Variants in FBXL13 observed in about 807,000 individuals in gnomAD.
FBXL13 encodes the protein F-box and leucine-rich repeat protein 13.
A neutral mutation model predicts 83.6 loss-of-function variants in FBXL13; 67 were observed. The observed-to-expected ratio is 0.80, with a 90% CI of 0.66 to 0.98. The LOEUF is 0.98. FBXL13 is among the 50% of genes least tolerant of loss of function. FBXL13 has a pLI of 0.00. For synonymous variants in FBXL13, 272 were observed against 299.5 expected (o/e 0.91, Z 0.95); for missense variants, 822 against 866.5 (o/e 0.95, Z 0.64).
At chr7:103,045,273 G>A (rs117089754) in intron 2 of FBXL13, among the ~76,000 whole-genome samples, 148 of 152,296 alleles carry the variant, frequency 9.7e-4, no homozygotes, top group Admixed American at 3.1e-3. Context: ...ATTGATACAC[G>A]TGCATACTCC....
chr7:103,025,557 C>T (rs148130232), intron 5 of FBXL13, among the ~76,000 whole-genome samples: 1 of 152,036 alleles, frequency 6.6e-6, no homozygotes, highest in Non-Finnish European at 1.5e-5. Context: ...GTAATTGGTG[C>T]ATGGAGTGAA....
At chr7:102,825,567 C>T (rs574088271) in intron 18 of FBXL13, among the ~76,000 whole-genome samples, 2 of 152,228 alleles carry the variant, frequency 1.3e-5, no homozygotes, top group Admixed American at 6.5e-5. Context: ...CAACAGAAAA[C>T]GGACTAAGAC....
chr7:103,053,747 C>T (rs1447404218), intron 2 of FBXL13, among the ~76,000 whole-genome samples: 1 of 152,156 alleles, frequency 6.6e-6, no homozygotes, highest in Non-Finnish European at 1.5e-5. Context: ...GCTCCAAAAA[C>T]ACAGTAATTT....
chr7:103,000,145 A>G (rs1489029758), intron 6 of FBXL13, among the ~76,000 whole-genome samples: 4 of 151,882 alleles, frequency 2.6e-5, no homozygotes, highest in Non-Finnish European at 1.5e-5. Flanking sequence ...TTTCATCTTA[A>G]TTTCTTCACT....
chr7:102,959,409 T>G (rs932728688), intron 8 of FBXL13, among the ~76,000 whole-genome samples: 1 of 152,052 alleles, frequency 6.6e-6, no homozygotes, highest in African/African-American at 2.4e-5. Flanking sequence ...ACTATATGTG[T>G]GTGTACTTAA....
chr7:103,031,768 T>C (rs564011930), intron 2 of FBXL13, among the ~76,000 whole-genome samples: 1 of 152,344 alleles, frequency 6.6e-6, no homozygotes, highest in Middle Eastern at 3.4e-3. Flanking sequence ...AATGTGTAAA[T>C]AAATAATGAA....
chr7:103,038,493 T>G (rs1015056457), intron 2 of FBXL13, among the ~76,000 whole-genome samples: 2 of 152,202 alleles, frequency 1.3e-5, no homozygotes, highest in Non-Finnish European at 2.9e-5. Context: ...GCTCTGAGAA[T>G]GGACAGACTG....
At chr7:102,918,652 C>A (rs1394851937) in intron 10 of FBXL13, among the ~76,000 whole-genome samples, 2 of 152,090 alleles carry the variant, frequency 1.3e-5, no homozygotes, top group Non-Finnish European at 2.9e-5. Flanking sequence ...CTTGTCTCTA[C>A]AAAAGATTTT....
intron 19 of FBXL13, among the ~76,000 whole-genome samples, chr7:102,816,720 G>A (rs1052660249): frequency 6.6e-6 from 1 of 152,184 alleles, no homozygotes; most frequent in African/African-American, 2.4e-5. Context: ...CAGCCAAATA[G>A]TGAACATAAT....
At chr7:102,981,808 T>C (rs144843229) in intron 6 of FBXL13, among the ~76,000 whole-genome samples, 3 of 152,348 alleles carry the variant, frequency 2.0e-5, no homozygotes, top group Non-Finnish European at 4.4e-5. Flanking sequence ...AGACGTCACC[T>C]GCAAATACCA....
At chr7:102,940,910 G>A (rs550273929) in intron 8 of FBXL13, among the ~76,000 whole-genome samples, 2 of 152,288 alleles carry the variant, frequency 1.3e-5, no homozygotes, top group South Asian at 2.1e-4. Flanking sequence ...ATAATGTAAT[G>A]TAATGTTATA....
chr7:102,913,011 G>A (rs1336939808), intron 11 of FBXL13, 75 bp downstream of exon 12: 26 of 1,596,176 alleles, frequency 1.6e-5, no homozygotes, highest in South Asian at 5.6e-5. Context: ...TTAGTATAAC[G>A]TGAGGGCTGA....
intron 8 of FBXL13, among the ~76,000 whole-genome samples, chr7:102,958,709 A>C (rs903292107): frequency 6.6e-6 from 1 of 152,086 alleles, no homozygotes; most frequent in African/African-American, 2.4e-5. Context: ...TCACCTGCCC[A>C]AAATCCAAGA....
intron 1 of FBXL13, among the ~76,000 whole-genome samples, chr7:103,057,785 T>C (rs1797477391): frequency 6.6e-6 from 1 of 152,174 alleles, no homozygotes. Context: ...TTTCTCCATT[T>C]GAGACAGATG....
At chr7:102,958,672 G>T (rs1176556379) in intron 8 of FBXL13, among the ~76,000 whole-genome samples, 1 of 151,466 alleles carries the variant, frequency 6.6e-6, no homozygotes. Context: ...GTTAAAAATG[G>T]CAGACTAAGC....
At chr7:103,040,781 G>A (rs539790006) in intron 2 of FBXL13, among the ~76,000 whole-genome samples, 3 of 152,192 alleles carry the variant, frequency 2.0e-5, no homozygotes, top group African/African-American at 4.8e-5. Flanking sequence ...TGAAACCAAG[G>A]AGAACAAAGA....
At chr7:103,064,907 C>A (rs1585633988) in intron 1 of FBXL13, among the ~76,000 whole-genome samples, 1 of 152,174 alleles carries the variant, frequency 6.6e-6, no homozygotes, top group African/African-American at 2.4e-5. Flanking sequence ...CCTGGCTGAA[C>A]TCCCAGCCAA....
chr7:103,048,563 A>G (rs1057223954), intron 2 of FBXL13, among the ~76,000 whole-genome samples: 5 of 152,140 alleles, frequency 3.3e-5, no homozygotes, highest in African/African-American at 1.2e-4. Flanking sequence ...CCTCACAGAC[A>G]AATCTATCTA....
rs546379370 is a variant in FBXL13, at chr7:102,940,634, T to C, written c.725-8701A>G. The stretch of plus-strand genomic sequence containing the variant: ...GCACTAAGCTCAAATTAGGATAAAA[T>C]GTGCTCAAACCAGAGCCAGACATAT... On this transcript the variant is annotated intron_variant, in intron 8 of 19. Coordinates refer to ENST00000313221, the Ensembl canonical transcript of FBXL13. Among the ~76,000 whole-genome samples, 19 of 152,342 alleles carry C rather than the reference T, an allele frequency of 1.2e-4. 1 individual carries two copies. In the South Asian group the frequency reaches 3.9e-3, roughly 32 times the overall value.
Sources: allele counts gnomAD v4.1 joint callset (sites outside exome capture counted in the v4.1 genomes callset), GRCh38; gene constraint gnomAD v4.1.1; transcripts MANE v1.5; gene names NCBI Gene and HGNC (gene_info 2026-07-23, HGNC 2026-07-21).